Variants in GABPB2 observed in about 807,000 individuals in gnomAD.
GABPB2 encodes the protein GA-binding protein subunit beta-2.
Under a neutral mutation model 39.1 loss-of-function variants are expected in GABPB2, and 23 were observed. The ratio of observed to expected loss-of-function variants is 0.59; its 90% CI spans 0.42 to 0.83. The LOEUF (loss-of-function observed/expected upper bound fraction) is 0.83, where lower values mean the gene tolerates loss of function less well. GABPB2 is among the 40% of genes least tolerant of loss of function. GABPB2 has a pLI of 0.00. For synonymous variants in GABPB2, 184 were observed against 199.3 expected (o/e 0.92, Z 0.65); for missense variants, 467 against 541.1 (o/e 0.86, Z 1.36).
At chr1:151,090,700 G>A (rs1346535203) in intron 3 of GABPB2, 127 bp downstream of exon 3, 15 of 925,820 alleles carry the variant, frequency 1.6e-5, no homozygotes, top group South Asian at 9.9e-5. Context: ...GCATTAAGTT[G>A]CATCTCCAGG....
At chr1:151,090,365 C>A in intron 2 of GABPB2, 41 bp from the exon 3 acceptor site, 2 of 1,583,390 alleles carry the variant, frequency 1.3e-6, no homozygotes, top group South Asian at 1.1e-5. Context: ...ATCTAGGACT[C>A]TGCACACAGT....
At chr1:151,099,709 T>A (rs1679372755) in intron 5 of GABPB2, among the ~76,000 whole-genome samples, 1 of 152,208 alleles carries the variant, frequency 6.6e-6, no homozygotes, top group Non-Finnish European at 1.5e-5. Context: ...GAAGAAGCAA[T>A]GTATGTGATA....
At chr1:151,090,318 G>C in intron 2 of GABPB2, 88 bp from the exon 3 acceptor site, 1 of 1,229,148 alleles carries the variant, frequency 8.1e-7, no homozygotes, top group Non-Finnish European at 1.1e-6. Context: ...TGAAGGACAA[G>C]AACCATAGCT....
At chr1:151,078,542 G>A (rs1400010712) in intron 1 of GABPB2, among the ~76,000 whole-genome samples, 1 of 151,586 alleles carries the variant, frequency 6.6e-6, no homozygotes, top group African/African-American at 2.4e-5. Flanking sequence ...GCAGTGAGCC[G>A]AGATCGCGCC....
chr1:151,090,743 C>T (rs1226273104), intron 3 of GABPB2, among the ~76,000 whole-genome samples, 170 bp downstream of exon 3: 1 of 151,898 alleles, frequency 6.6e-6, no homozygotes, highest in Admixed American at 6.6e-5. Flanking sequence ...CCTATAATCC[C>T]AGCACTTTGG....
chr1:151,080,157 G>A (rs1677530360), intron 1 of GABPB2, among the ~76,000 whole-genome samples: 1 of 148,010 alleles, frequency 6.8e-6, no homozygotes, highest in Non-Finnish European at 1.5e-5. Context: ...AGAGGTTGCG[G>A]TGAGCCAAGA....
At chr1:151,110,580 A>C (rs1266929414) in intron 7 of GABPB2, among the ~76,000 whole-genome samples, 2 of 151,858 alleles carry the variant, frequency 1.3e-5, no homozygotes, top group African/African-American at 4.8e-5. Context: ...TCCCACCTCA[A>C]GTCCCAAGTA....
At chr1:151,103,206 C>T (rs1481285965) in intron 5 of GABPB2, among the ~76,000 whole-genome samples, 6 of 151,628 alleles carry the variant, frequency 4.0e-5, no homozygotes, top group Admixed American at 4.0e-4. Context: ...CCCACCACCA[C>T]GCCCAGCTAA....
intron 1 of GABPB2, among the ~76,000 whole-genome samples, chr1:151,084,648 C>T (rs1678021502): frequency 6.7e-6 from 1 of 150,126 alleles, no homozygotes; most frequent in Non-Finnish European, 1.5e-5. Context: ...CATTCTCCTG[C>T]CTCAGCCTCC....
At chr1:151,094,082 C>T (rs987190792) in intron 4 of GABPB2, among the ~76,000 whole-genome samples, 1 of 132,268 alleles carries the variant, frequency 7.6e-6, no homozygotes, top group Non-Finnish European at 1.6e-5. Context: ...GGCAGAGTCT[C>T]ACTCTGTTGC....
chr1:151,108,033 A>G (rs1240158775), intron 7 of GABPB2, among the ~76,000 whole-genome samples: 1 of 152,184 alleles, frequency 6.6e-6, no homozygotes, highest in Admixed American at 6.6e-5. Flanking sequence ...TTATAACACT[A>G]TGTTGTTAAA....
At chr1:151,082,388 A>ATT in intron 1 of GABPB2, among the ~76,000 whole-genome samples, 1 of 124,602 alleles carries the variant, frequency 8.0e-6, no homozygotes, top group African/African-American at 3.1e-5. Flanking sequence ...ACAAGTGGTA[A>ATT]TTTCTTTTTT....
chr1:151,111,532 C>T (rs1267055079), intron 7 of GABPB2, among the ~76,000 whole-genome samples: 1 of 151,960 alleles, frequency 6.6e-6, no homozygotes, highest in Non-Finnish European at 1.5e-5. Flanking sequence ...ACGCCATTCT[C>T]CTGCCTCAGC....
At chr1:151,090,871 G>A (rs752449993) in intron 3 of GABPB2, among the ~76,000 whole-genome samples, 2 of 151,694 alleles carry the variant, frequency 1.3e-5, no homozygotes, top group Non-Finnish European at 2.9e-5. Flanking sequence ...GGTGGTGCGC[G>A]ACTGTAATCG....
rs1399169173 is a variant in GABPB2 at position 151,123,965 on chromosome 1, G to A, written c.*5709G>A. 4.7e-5 allele frequency: 7 copies of A among 149,908 alleles called. No individual in the cohort carries two copies. The highest frequency in any genetic ancestry group is 1.0e-4 in the Non-Finnish European group (7 of 67,702). 9.3% of individuals were successfully genotyped at this position (149,908 alleles called of 1,614,324 possible). A position where few individuals can be genotyped will look rare whatever the true frequency, so the allele number is the denominator to read the frequency against. ...GGAGGCCGAGATGGGAGGATCACTT[G>A]AGGCCAGGCCAGCGTGGTGAAACTC... On this transcript the variant is annotated 3_prime_UTR_variant, in exon 9 of 9. Transcript: ENST00000368918.
chr1:151,091,212 C>T (rs1318050236), intron 3 of GABPB2, among the ~76,000 whole-genome samples: 1 of 147,398 alleles, frequency 6.8e-6, no homozygotes. Context: ...CTCAGCCTCC[C>T]GAGTAGCTGG....
rs1222697635 is a variant in GABPB2 at position 151,118,193 on chromosome 1, G to A, written c.1284G>A (p.Val428=). 1.9e-6 allele frequency: 3 copies of A among 1,613,996 alleles called. No individual in the cohort carries two copies. The highest frequency in any genetic ancestry group is 1.1e-5 in the South Asian group (1 of 91,068). Residue 428 remains valine, a synonymous_variant, in exon 9 of 9, where the codon GTG becomes GTA. Coordinates refer to ENST00000368918, the MANE Select transcript of GABPB2 (RefSeq NM_144618.3). ...AGTTGGAAGAGAGAGAGACAAAAGT[G>A]ACTGGGTCAGCAGGGACCACAGAGC... ...EGELEERETK[V]TGSAGTTEPH...
At chr1:151,107,515 T>TC (rs1430917799) in intron 7 of GABPB2, among the ~76,000 whole-genome samples, 1 of 151,698 alleles carries the variant, frequency 6.6e-6, no homozygotes, top group Non-Finnish European at 1.5e-5. Context: ...TTTTTTTTTT[T>TC]CTTCAGAAGG....
rs191298719 is a variant in GABPB2, at chr1:151,106,112, C to A, written c.737-925C>A. On this transcript the variant is annotated intron_variant, in intron 6 of 8. Transcript: ENST00000368918. ...AAGTAGCTGGGATTACAGGCGCCCA[C>A]CAACACGCCCAGCTAATTTTTGTAT... is the stretch of plus-strand genomic sequence containing the variant. Among the ~76,000 whole-genome samples, 269 of 151,938 alleles carry A rather than the reference C, an allele frequency of 1.8e-3. 3 individuals carry two copies. The highest frequency in any genetic ancestry group is 6.2e-3 in the African/African-American group (258 of 41,436).
Sources: allele counts gnomAD v4.1 joint callset (sites outside exome capture counted in the v4.1 genomes callset), GRCh38; gene constraint gnomAD v4.1.1; transcripts MANE v1.5; gene names NCBI Gene and HGNC (gene_info 2026-07-23, HGNC 2026-07-21).